CNTNAP2: variants seen among roughly 807,000 people sequenced by gnomAD.
CNTNAP2 encodes contactin associated protein 2.
CNTNAP2 carries 98 observed loss-of-function variants against 155.2 expected under a neutral mutation model. The ratio of observed to expected loss-of-function variants is 0.63; its 90% CI spans 0.54 to 0.75. The LOEUF (loss-of-function observed/expected upper bound fraction) is 0.75, where lower values mean the gene tolerates loss of function less well. Among genes scored for constraint, CNTNAP2 ranks in the 30% least tolerant of loss-of-function variants. CNTNAP2 has a pLI of 0.00. For missense variants in CNTNAP2, 1,727 were observed against 1,688.1 expected, an observed-to-expected ratio of 1.02 and a Z score of -0.40; for synonymous variants, 651 against 631.2, an observed-to-expected ratio of 1.03 and a Z score of -0.47.
rs10673467 is a variant in CNTNAP2 at position 146,550,401 on chromosome 7, GTTT to G, written c.98-223844_98-223842del. ...TTATAGCAGTGAGGTCCATTAATCT[GTTT>G]TTTTTTTTTTTTTTTTTTTTTTTTT... On this transcript the variant is annotated intron_variant, in intron 1 of 23. Transcript: ENST00000361727. Among the ~76,000 whole-genome samples the G allele has an allele frequency of 3.6e-3, 194 of 54,366 alleles. 2 individuals are homozygous for G. Among genetic ancestry groups the G allele is most frequent in the African/African-American group, 0.013 (187 of 14,068 alleles). 35.7% of individuals were successfully genotyped at this position (54,366 alleles called of 152,430 possible).
rs1255179281 is a variant in CNTNAP2, at chr7:146,981,896, G to A, written c.403-62011G>A. On this transcript the variant is annotated intron_variant, in intron 3 of 23. Transcript: ENST00000361727. ...CCGGACAGTGAATACTTTAGGATTT[G>A]CAGAACGCATATAATCTTCGTCACA... Among the ~76,000 whole-genome samples the A allele has an allele frequency of 2.0e-5, 3 of 152,270 alleles. No homozygotes were observed. In the East Asian group the frequency reaches 5.8e-4, roughly 29 times the overall value.
At chr7:146,121,119 C>CTTTTTTTTTTTTTTTTTTT (rs745449281) in intron 1 of CNTNAP2, among the ~76,000 whole-genome samples, 5 of 65,762 alleles carry the variant, frequency 7.6e-5, no homozygotes, top group Non-Finnish European at 1.1e-4. Context: ...ATAAAGCTTC[C>CTTTTTTTTTTTTTTTTTTT]TTTTTTTTTT....
intron 1 of CNTNAP2, among the ~76,000 whole-genome samples, chr7:146,226,314 A>G (rs1278261355): frequency 1.3e-5 from 2 of 152,152 alleles, no homozygotes; most frequent in Non-Finnish European, 2.9e-5. Context: ...TGGGATGGTA[A>G]AGTTAGAGGG....
intron 13 of CNTNAP2, among the ~76,000 whole-genome samples, chr7:147,856,530 C>G (rs921998002): frequency 4.6e-5 from 7 of 152,114 alleles, no homozygotes; most frequent in Admixed American, 2.0e-4. Context: ...CCAAAGATAG[C>G]CTGTGTGCAG....
Position 148,236,045 on chromosome 7 carries a change from C to T in CNTNAP2, c.3381+6266C>T, listed in dbSNP as rs557462136. Among the ~76,000 whole-genome samples the T allele has an allele frequency of 2.0e-3, 305 of 152,260 alleles. 1 individual carries two copies. The highest frequency in any genetic ancestry group is 3.3e-3 in the Non-Finnish European group (227 of 68,030). On this transcript the variant is annotated intron_variant, in intron 20 of 23. Transcript: ENST00000361727. Reference sequence around the variant, plus strand: ...TTCAAATTACACTAAGGGTTTTTTACACTCATAAGCCTTTTGTGGACTAGA... The same window carrying T: ...TTCAAATTACACTAAGGGTTTTTTATACTCATAAGCCTTTTGTGGACTAGA...
intron 3 of CNTNAP2, among the ~76,000 whole-genome samples, chr7:146,905,788 G>C (rs1388793435): frequency 6.6e-6 from 1 of 152,178 alleles, no homozygotes; most frequent in Non-Finnish European, 1.5e-5. Flanking sequence ...GGTTTACGAA[G>C]GAGGAGCCAA....
At chr7:146,708,158 C>T (rs1241328692) in intron 1 of CNTNAP2, among the ~76,000 whole-genome samples, 2 of 152,150 alleles carry the variant, frequency 1.3e-5, no homozygotes, top group East Asian at 1.9e-4. Flanking sequence ...TACCTAAGAA[C>T]TTATTACTTT....
At chr7:148,220,470 G>A (rs1795726334) in intron 19 of CNTNAP2, among the ~76,000 whole-genome samples, 1 of 152,090 alleles carries the variant, frequency 6.6e-6, no homozygotes, top group Admixed American at 6.5e-5. Context: ...TAGTAAAATA[G>A]TAAAAGAGGG....
chr7:146,526,439 A>C (rs1192567792), intron 1 of CNTNAP2, among the ~76,000 whole-genome samples: 1 of 152,164 alleles, frequency 6.6e-6, no homozygotes, highest in Non-Finnish European at 1.5e-5. Context: ...AAGGAAGGGC[A>C]GATGTGTCAC....
intron 1 of CNTNAP2, among the ~76,000 whole-genome samples, chr7:146,758,394 G>T (rs1385026562): frequency 6.6e-6 from 1 of 152,138 alleles, no homozygotes; most frequent in African/African-American, 2.4e-5. Flanking sequence ...CAGGTGTGGT[G>T]CTCAACTGTC....
In CNTNAP2 at chr7:148,282,007, T is replaced by C. The variant is rs144546992; in HGVS notation, c.3475+14881T>C. On this transcript the variant is annotated intron_variant, in intron 21 of 23. Transcript: ENST00000361727. ...ACCCGGCTAATTTTTGTATTTTTAG[T>C]AGAGACAGGGTTTTACCACATGAGC... Among the ~76,000 whole-genome samples the C allele has an allele frequency of 3.8e-3, 580 of 152,112 alleles. 6 individuals carry two copies. The highest frequency in any genetic ancestry group is 0.013 in the African/African-American group (538 of 41,492).
intron 19 of CNTNAP2, among the ~76,000 whole-genome samples, chr7:148,229,109 A>T (rs1795912236): frequency 6.6e-6 from 1 of 152,212 alleles, no homozygotes; most frequent in Non-Finnish European, 1.5e-5. Context: ...CACTGTGGGC[A>T]GATTGTAAAT....
chr7:146,664,201 G>T (rs528951579), intron 1 of CNTNAP2, among the ~76,000 whole-genome samples: 2 of 113,606 alleles, frequency 1.8e-5, no homozygotes, highest in Non-Finnish European at 3.3e-5. Context: ...TCACTCTGTC[G>T]CCCAGGTTGG....
In CNTNAP2 at chr7:147,624,312, A is replaced by G. The variant is rs1197562628; in HGVS notation, c.1898-14794A>G. 2.0e-5 allele frequency among the ~76,000 whole-genome samples: 3 copies of G among 152,166 alleles called. 1 individual carries two copies. The highest frequency in any genetic ancestry group is 4.1e-4 in the South Asian group (2 of 4,832). On this transcript the variant is annotated intron_variant, in intron 12 of 23. Coordinates refer to ENST00000361727, the MANE Select transcript of CNTNAP2 (RefSeq NM_014141.6). ...GCACAGCAAACAATCAACAAAGTGA[A>G]GAGACACCCCACATAATGGGAGAAA...
At chr7:148,195,986 C>CA (rs1444406260) in intron 18 of CNTNAP2, among the ~76,000 whole-genome samples, 1 of 152,170 alleles carries the variant, frequency 6.6e-6, no homozygotes, top group Non-Finnish European at 1.5e-5. Flanking sequence ...TAAATGCCTA[C>CA]AAAAAGAATA....
chr7:147,688,846 T>C (rs1033465476), intron 13 of CNTNAP2, among the ~76,000 whole-genome samples: 1 of 152,158 alleles, frequency 6.6e-6, no homozygotes, highest in African/African-American at 2.4e-5. Flanking sequence ...CTTAACCACA[T>C]GAAACTCACT....
intron 3 of CNTNAP2, among the ~76,000 whole-genome samples, chr7:146,903,423 T>C (rs909670695): frequency 6.6e-6 from 1 of 152,178 alleles, no homozygotes; most frequent in African/African-American, 2.4e-5. Context: ...TCCCCAAACT[T>C]AATATGTTAA....
At chr7:147,062,577 C>T (rs1799704623) in intron 4 of CNTNAP2, among the ~76,000 whole-genome samples, 1 of 152,138 alleles carries the variant, frequency 6.6e-6, no homozygotes, top group Non-Finnish European at 1.5e-5. Flanking sequence ...ATTTTTGCCA[C>T]TCATAATAGG....
chr7:146,677,562 A>G (rs1800423218), intron 1 of CNTNAP2, among the ~76,000 whole-genome samples: 1 of 152,106 alleles, frequency 6.6e-6, no homozygotes. Flanking sequence ...TTACATATCC[A>G]ATAGGTAGCC....
Sources: allele counts gnomAD v4.1 joint callset (sites outside exome capture counted in the v4.1 genomes callset), GRCh38; gene constraint gnomAD v4.1.1; transcripts MANE v1.5; gene names NCBI Gene and HGNC (gene_info 2026-07-23, HGNC 2026-07-21).